The following MYCBP2 variants were observed in gnomAD, a reference collection of about 807,000 sequenced individuals.
The protein encoded by MYCBP2 is MYC binding protein 2, also known as E3 ubiquitin-protein ligase MYCBP2.
MYCBP2 carries 120 observed loss-of-function variants against 525.3 expected under a neutral mutation model. The observed-to-expected ratio is 0.23, with a 90% CI of 0.20 to 0.27. The LOEUF (loss-of-function observed/expected upper bound fraction) is 0.27. Among genes scored for constraint, MYCBP2 ranks in the 10% least tolerant of loss-of-function variants. MYCBP2 has a pLI of 1.00. For synonymous variants in MYCBP2, 1,894 were observed against 1,955.8 expected (o/e 0.97, Z 0.83); for missense variants, 4,149 against 5,657.1 (o/e 0.73, Z 8.55).
At chr13:77,262,241 G>C in intron 10 of MYCBP2, 112 bp from the exon 11 acceptor site, 1 of 842,458 alleles carries the variant, frequency 1.2e-6, no homozygotes, top group East Asian at 2.8e-5. Context: ...TAAAAAACAA[G>C]GATGACAAAA....
rs1179623805 is a variant in MYCBP2 at position 77,326,175 on chromosome 13, C to T, written c.302+299G>A. On this transcript the variant is annotated intron_variant, in intron 1 of 82. Coordinates refer to ENST00000544440, the MANE Select transcript of MYCBP2 (RefSeq NM_015057.5). The surrounding 1 kb of genome is among the most constrained non-coding windows in gnomAD (Gnocchi z 4.2). ...CACACGTGTCACAGCCGACCAGCAC[C>T]ATCGCCTTTTCCAGCATCACAGGTT... Among the ~76,000 whole-genome samples the T allele has an allele frequency of 6.6e-6, 1 of 151,426 alleles. No homozygotes were observed. Among genetic ancestry groups the T allele is most frequent in the Non-Finnish European group, 1.5e-5 (1 of 67,948 alleles).
intron 15 of MYCBP2, among the ~76,000 whole-genome samples, chr13:77,244,917 A>C (rs2069587124): frequency 6.6e-6 from 1 of 152,218 alleles, no homozygotes; most frequent in African/African-American, 2.4e-5. Flanking sequence ...ATTTACAAGA[A>C]AACAAACCAC....
chr13:77,064,834 G>A (rs1025690832), intron 72 of MYCBP2, 100 bp from the exon 73 acceptor site: 1 of 1,158,048 alleles, frequency 8.6e-7, no homozygotes, highest in Non-Finnish European at 1.1e-6. Flanking sequence ...GGAAATATTT[G>A]TTTTTAGTGA....
At chr13:77,232,092 A>G (rs1283875282) in intron 18 of MYCBP2, among the ~76,000 whole-genome samples, 2 of 152,100 alleles carry the variant, frequency 1.3e-5, no homozygotes, top group Admixed American at 1.3e-4. Flanking sequence ...AGTTTTGTCT[A>G]TTTTGTTTAT....
At chr13:77,188,568 T>G (rs1030292356) in intron 30 of MYCBP2, among the ~76,000 whole-genome samples, 3 of 152,228 alleles carry the variant, frequency 2.0e-5, no homozygotes, top group African/African-American at 7.2e-5. Flanking sequence ...ACTTCCTAGT[T>G]AGATATGCAA....
intron 40 of MYCBP2, among the ~76,000 whole-genome samples, chr13:77,167,618 T>C (rs373326515): frequency 1.3e-5 from 2 of 152,214 alleles, no homozygotes; most frequent in Admixed American, 6.5e-5. Flanking sequence ...TACATGATGT[T>C]TGCAGACATT....
intron 33 of MYCBP2, among the ~76,000 whole-genome samples, chr13:77,180,914 T>A (rs544545553): frequency 1.9e-4 from 29 of 152,306 alleles, no homozygotes; most frequent in African/African-American, 7.0e-4. Flanking sequence ...AATGAGCTAG[T>A]CTTAAAAAAC....
chr13:77,203,103 T>C (rs1229047200), intron 26 of MYCBP2, among the ~76,000 whole-genome samples: 1 of 152,024 alleles, frequency 6.6e-6, no homozygotes, highest in Admixed American at 6.6e-5. Context: ...GGAAGTCAAA[T>C]TGTCCCTGTT....
intron 1 of MYCBP2, among the ~76,000 whole-genome samples, chr13:77,304,542 C>G (rs1339493258): frequency 6.6e-6 from 1 of 152,068 alleles, no homozygotes; most frequent in African/African-American, 2.4e-5. Flanking sequence ...TATAGCACCA[C>G]AGGGTGACTA....
At position 77,095,291 on chromosome 13, in the gene MYCBP2, C is replaced by T. The variant is rs574289535; in HGVS notation, c.10199+67G>A. 1.4e-5 allele frequency: 22 copies of T among 1,576,102 alleles called. No individual in the cohort carries two copies. The South Asian group carries it at 2.6e-4, about 18-fold the overall frequency. ...AGTGTAGGTCAAATACCGAACTACC[C>T]TAGATATCAATAAACAATCGCTGTT... On this transcript the variant is annotated intron_variant, in intron 58 of 82. Coordinates refer to ENST00000544440, the MANE Select transcript of MYCBP2 (RefSeq NM_015057.5).
Position 77,185,332 on chromosome 13 carries a change from C to T in MYCBP2, c.4490G>A (p.Cys1497Tyr). 1 of 1,613,898 alleles carries T rather than the reference C, an allele frequency of 6.2e-7. No individual in the cohort carries two copies. The highest frequency in any genetic ancestry group is 1.1e-5 in the South Asian group (1 of 91,060). Residue 1497 changes from cysteine (C) to tyrosine (Y), a missense_variant, in exon 32 of 83, where the codon TGT becomes TAT. This residue lies in a region of MYCBP2 where 292 missense variants were observed against 330.5 expected (regional missense o/e 0.88). Coordinates refer to ENST00000544440, the MANE Select transcript of MYCBP2 (RefSeq NM_015057.5). ...VVEETSKLAE[C>Y]IGKTRTLLRK... ...TAACAAAGTTCTGGTTTTTCCAATA[C>T]ACTCTGCTAATTTGCTAGTTTCTTC...
chr13:77,327,084 AAT>A lies in MYCBP2; in HGVS notation c.-311_-310del. The A allele has an allele frequency of 2.3e-6, 1 of 435,882 alleles. No homozygotes were observed. Among genetic ancestry groups the A allele is most frequent in the Non-Finnish European group, 4.0e-6 (1 of 251,198 alleles). The allele number at this position is 435,882 out of a possible 1,614,324, so 27.0% of individuals were successfully genotyped here. A position where few individuals can be genotyped will look rare whatever the true frequency, so the allele number is the denominator to read the frequency against. On this transcript the variant is annotated 5_prime_UTR_variant, in exon 1 of 83. Transcript: ENST00000544440. ...CGCCACCACCGCCGGGGCTACCCGC[AAT>A]GGGAAGCTGCCGGCCTCACAGAGCA... is the stretch of plus-strand genomic sequence containing the variant.
At chr13:77,207,052 A>T (rs543715461) in intron 23 of MYCBP2, among the ~76,000 whole-genome samples, 1 of 152,230 alleles carries the variant, frequency 6.6e-6, no homozygotes, top group Non-Finnish European at 1.5e-5. Flanking sequence ...TAATACAGAA[A>T]ATAGTAATGT....
At chr13:77,114,812 T>C (rs2049436508) in intron 55 of MYCBP2, among the ~76,000 whole-genome samples, 2 of 151,934 alleles carry the variant, frequency 1.3e-5, no homozygotes, top group Non-Finnish European at 1.5e-5. Flanking sequence ...GAAAAGCAAA[T>C]TGTCTTCAGT....
intron 21 of MYCBP2, among the ~76,000 whole-genome samples, chr13:77,216,126 G>A (rs1333465182): frequency 6.6e-6 from 1 of 152,002 alleles, no homozygotes; most frequent in East Asian, 1.9e-4. Flanking sequence ...AAAATGAAGG[G>A]GCATGTCACA....
Position 77,251,296 on chromosome 13 carries a change from C to G in MYCBP2, c.2236G>C (p.Glu746Gln). Reference sequence around the variant, plus strand: ...CACATCATAGACTTCTCATCTTTTTCATCTAGTTCTTCTTCCAGGTCTTCA... The same window carrying G: ...CACATCATAGACTTCTCATCTTTTTGATCTAGTTCTTCTTCCAGGTCTTCA... ...MDEDLEEELD[E>Q]KDEKSMMCPP... The change falls in exon 15 of 83, where the codon GAA becomes CAA. Residue 746 changes from glutamate (E) to glutamine (Q), a missense_variant. Physicochemically the swap from Glu to Gln is conservative, Grantham distance 29 (BLOSUM62 2). Transcript: ENST00000544440. The G allele has an allele frequency of 6.2e-7, 1 of 1,614,176 alleles. No homozygotes were observed. Among genetic ancestry groups the G allele is most frequent in the East Asian group, 2.2e-5 (1 of 44,888 alleles).
At chr13:77,054,883 G>C (rs750897369) in intron 80 of MYCBP2, among the ~76,000 whole-genome samples, 7 of 152,144 alleles carry the variant, frequency 4.6e-5, no homozygotes, top group Non-Finnish European at 8.8e-5. Context: ...TTACAGGTGT[G>C]AGCCACTGTG....
rs529086384 is a variant in MYCBP2 at position 77,158,815 on chromosome 13, T to C, written c.6598-706A>G. 1.1e-4 allele frequency among the ~76,000 whole-genome samples: 17 copies of C among 152,240 alleles called. 1 individual carries two copies. The highest frequency in any genetic ancestry group is 3.6e-4 in the African/African-American group (15 of 41,540). The stretch of plus-strand genomic sequence containing the variant: ...AGGTGTGTCTGTTCTCTTGGGTGGG[T>C]GGGCACCAAGGTCTTGACTTGGGTA... On this transcript the variant is annotated intron_variant, in intron 44 of 82. Transcript: ENST00000544440.
intron 14 of MYCBP2, among the ~76,000 whole-genome samples, chr13:77,254,356 C>T (rs1049448144): frequency 2.6e-5 from 4 of 151,234 alleles, no homozygotes; most frequent in African/African-American, 7.3e-5. Context: ...GGATATGGGG[C>T]ACTTGAATCT....
Sources: gnomAD v4.1 joint callset for allele counts (sites outside exome capture counted in the v4.1 genomes callset) on GRCh38, gnomAD v4.1.1 for gene constraint, gnomAD v4.1.1 regional missense constraint, Gnocchi (gnomAD v3.1) non-coding constraint, MANE v1.5 for transcripts, NCBI Gene and HGNC (gene_info 2026-07-23, HGNC 2026-07-21) for gene names.